GSE1: variants seen among roughly 807,000 people sequenced by gnomAD.
The protein encoded by GSE1 is genetic suppressor element 1.
A neutral mutation model predicts 112.6 loss-of-function variants in GSE1; 32 were observed. The observed-to-expected ratio is 0.28, with a 90% CI of 0.21 to 0.38. The LOEUF (loss-of-function observed/expected upper bound fraction) is 0.38, where lower values mean the gene tolerates loss of function less well. GSE1 is among the 10% of genes least tolerant of loss of function. The probability of loss-of-function intolerance (pLI) is 1.00; values close to 1 mark genes in which losing one functional copy is unlikely to be tolerated. For missense variants in GSE1, 2,348 were observed against 1,699.2 expected (o/e 1.38, Z -6.71); for synonymous variants, 1,115 against 735.6 (o/e 1.52, Z -8.35).
At chr16:85,266,460 C>G (rs541284162) in intron 1 of GSE1, among the ~76,000 whole-genome samples, 1 of 152,248 alleles carries the variant, frequency 6.6e-6, no homozygotes, top group East Asian at 1.9e-4. Context: ...GGGCTGGCAC[C>G]GAGGGTCTCC....
chr16:85,388,175 G>T (rs1007613408), intron 2 of GSE1, among the ~76,000 whole-genome samples: 2 of 150,800 alleles, frequency 1.3e-5, no homozygotes, highest in African/African-American at 4.9e-5. Context: ...TGGGTGGATG[G>T]GTGGGTGGAT....
intron 2 of GSE1, among the ~76,000 whole-genome samples, chr16:85,550,247 G>A (rs2044856834): frequency 6.6e-6 from 1 of 152,162 alleles, no homozygotes; most frequent in Admixed American, 6.5e-5. Flanking sequence ...GCACTCTGGA[G>A]CCAGCTTGGG....
At position 85,331,685 on chromosome 16, in the gene GSE1, GTA is replaced by G. The variant is rs1205625835; in HGVS notation, c.2284-25756_2284-25755del. ...TATGTGTGTGTGTGTGTGTGTGTGT[GTA>G]TATATATATATATATATATATTTTT... On this transcript the variant is annotated intron_variant, in intron 1 of 2. Transcript: ENST00000637419. 9.0e-4 allele frequency among the ~76,000 whole-genome samples: 40 copies of G among 44,260 alleles called. 1 individual carries two copies. Among genetic ancestry groups the G allele is most frequent in the Non-Finnish European group, 1.0e-3 (23 of 22,820 alleles). 29.0% of individuals were successfully genotyped at this position (44,260 alleles called of 152,430 possible). A position where few individuals can be genotyped will look rare whatever the true frequency, so the allele number is the denominator to read the frequency against.
chr16:85,356,182 C>T (rs1014523896), intron 1 of GSE1, among the ~76,000 whole-genome samples: 9 of 152,200 alleles, frequency 5.9e-5, no homozygotes, highest in Admixed American at 1.3e-4. Flanking sequence ...CCCTTAGTAA[C>T]GGGCAGTTGG....
At chr16:85,446,653 G>A (rs570948927) in intron 2 of GSE1, among the ~76,000 whole-genome samples, 1 of 152,286 alleles carries the variant, frequency 6.6e-6, no homozygotes, top group African/African-American at 2.4e-5. Flanking sequence ...GCCATCGAGC[G>A]GGTTCTCTGC....
intron 2 of GSE1, among the ~76,000 whole-genome samples, chr16:85,646,723 C>T (rs987580153): frequency 2.0e-5 from 3 of 152,122 alleles, no homozygotes; most frequent in African/African-American, 4.8e-5. Flanking sequence ...CAGCCGGAGT[C>T]GGGGGTGTGA....
chr16:85,412,742 C>T (rs1169541492), intron 2 of GSE1, among the ~76,000 whole-genome samples: 1 of 152,098 alleles, frequency 6.6e-6, no homozygotes, highest in Non-Finnish European at 1.5e-5. Flanking sequence ...CCCGGATAAT[C>T]CTCACCGTTG....
Position 85,417,449 on chromosome 16 carries a change from G to T in GSE1, c.2464+59806G>T, listed in dbSNP as rs116959674. Among the ~76,000 whole-genome samples, 215 of 152,370 alleles carry T rather than the reference G, an allele frequency of 1.4e-3. 3 individuals carry two copies. The East Asian group carries it at 0.04, about 29-fold the overall frequency. On this transcript the variant is annotated intron_variant, in intron 2 of 2. Transcript: ENST00000637419. Reference sequence around the variant, plus strand: ...GTGTTCTCCCTGCAGCCTGGAGAGGGTCAGAGCACACGGTTTCGGACTCCC... The same window carrying T: ...GTGTTCTCCCTGCAGCCTGGAGAGGTTCAGAGCACACGGTTTCGGACTCCC...
At chr16:85,604,516 G>A (rs375632064) in intron 1 of GSE1, among the ~76,000 whole-genome samples, 12 of 151,598 alleles carry the variant, frequency 7.9e-5, no homozygotes, top group South Asian at 4.2e-4. Context: ...ATGCCTCACT[G>A]TGTATCAGGC....
At chr16:85,657,135 T>G in intron 7 of GSE1, 142 bp from the exon 8 acceptor site, 1 of 577,990 alleles carries the variant, frequency 1.7e-6, no homozygotes, top group Non-Finnish European at 2.9e-6. Context: ...GTAGGGCCCC[T>G]TCTGAATATC....
At chr16:85,604,768 A>AG (rs1567638050) in intron 1 of GSE1, among the ~76,000 whole-genome samples, 5 of 3,568 alleles carry the variant, frequency 1.4e-3, no homozygotes, top group African/African-American at 6.0e-3. Context: ...AAAAAAAAAA[A>AG]AAAAAAATAT....
chr16:85,648,590 C>G lies in GSE1; in HGVS notation c.265C>G (p.Pro89Ala). 1 of 1,604,436 alleles carries G rather than the reference C, an allele frequency of 6.2e-7. No homozygotes were observed. The highest frequency in any genetic ancestry group is 8.5e-7 in the Non-Finnish European group (1 of 1,175,280). ...CAGCGAGTCGTCCCCCGTGTCCTCTCCGGCCACCAACCACAGCTCCCCCGC... is the reference window on the plus strand; with the variant it reads ...CAGCGAGTCGTCCCCCGTGTCCTCTGCGGCCACCAACCACAGCTCCCCCGC... ...LSSESSPVSS[P>A]ATNHSSPAST... Residue 89 changes from proline to alanine, a missense_variant, in exon 3 of 16, where the codon CCG becomes GCG. Coordinates refer to ENST00000253458, the MANE Select transcript of GSE1 (RefSeq NM_014615.5).
intron 2 of GSE1, among the ~76,000 whole-genome samples, chr16:85,377,725 C>T (rs868698342): frequency 2.0e-5 from 3 of 152,206 alleles, no homozygotes; most frequent in African/African-American, 7.2e-5. Flanking sequence ...CGGGAGTGGC[C>T]GGCACCAGGC....
At chr16:85,427,681 A>C (rs1364842541) in intron 2 of GSE1, among the ~76,000 whole-genome samples, 1 of 150,798 alleles carries the variant, frequency 6.6e-6, no homozygotes, top group Non-Finnish European at 1.5e-5. Flanking sequence ...AAAATACAAA[A>C]ATTAGCTGGG....
chr16:85,587,861 C>T (rs561534938), intron 1 of GSE1, among the ~76,000 whole-genome samples: 1 of 152,324 alleles, frequency 6.6e-6, no homozygotes, highest in African/African-American at 2.4e-5. Context: ...CAGCCCTTCC[C>T]GTGTCTGGAC....
At chr16:85,585,803 C>T (rs1186326947) in intron 1 of GSE1, among the ~76,000 whole-genome samples, 1 of 152,240 alleles carries the variant, frequency 6.6e-6, no homozygotes, top group Admixed American at 6.5e-5. Flanking sequence ...GTGTCTGATC[C>T]ACATACATTT....
At chr16:85,667,139 G>A (rs1210979798) in intron 13 of GSE1, among the ~76,000 whole-genome samples, 6 of 151,590 alleles carry the variant, frequency 4.0e-5, no homozygotes, top group Non-Finnish European at 8.8e-5. Flanking sequence ...CAGTGCTACT[G>A]AGATGCCTTT....
chr16:85,351,915 G>C (rs369440062), intron 1 of GSE1, among the ~76,000 whole-genome samples: 1 of 152,034 alleles, frequency 6.6e-6, no homozygotes, highest in Non-Finnish European at 1.5e-5. Flanking sequence ...GCTTGAACCC[G>C]GGAGGCAAAG....
chr16:85,635,734 T>G (rs1261780933), intron 2 of GSE1, among the ~76,000 whole-genome samples: 1 of 152,324 alleles, frequency 6.6e-6, no homozygotes, highest in South Asian at 2.1e-4. Flanking sequence ...TGGTGCTACC[T>G]GGGCTGGGTT....
Sources: gnomAD v4.1 joint callset for allele counts (sites outside exome capture counted in the v4.1 genomes callset) on GRCh38, gnomAD v4.1.1 for gene constraint, MANE v1.5 for transcripts, NCBI Gene and HGNC (gene_info 2026-07-23, HGNC 2026-07-21) for gene names.